The following ANO2 variants were observed in gnomAD, a reference collection of about 807,000 sequenced individuals.
The protein encoded by ANO2 is anoctamin-2.
In ANO2, 101 loss-of-function variants were observed where a neutral mutation model predicts 124.2. That is an observed-to-expected ratio of 0.81 (90% CI 0.69 to 0.96). The LOEUF is 0.96. Ranked by LOEUF, ANO2 falls within the 40% of genes least tolerant of loss-of-function variation. The pLI, the probability that ANO2 is intolerant of heterozygous loss-of-function variation, is 0.00. For synonymous variants in ANO2, 486 were observed against 482.5 expected, an observed-to-expected ratio of 1.01 and a Z score of -0.09; for missense variants, 1,293 against 1,274.5, an observed-to-expected ratio of 1.01 and a Z score of -0.22.
intron 23 of ANO2, among the ~76,000 whole-genome samples, chr12:5,569,149 G>A (rs908447616): frequency 2.6e-5 from 4 of 152,198 alleles, no homozygotes; most frequent in African/African-American, 9.7e-5. Context: ...TCAGCCAAGG[G>A]CACAGCCATA....
intron 10 of ANO2, among the ~76,000 whole-genome samples, chr12:5,795,795 C>T (rs1025991585): frequency 6.6e-6 from 1 of 152,082 alleles, no homozygotes; most frequent in Admixed American, 6.5e-5. Flanking sequence ...TGGGTCAGAC[C>T]TGTACAAATC....
At chr12:5,694,163 T>C (rs1860951) in intron 14 of ANO2, among the ~76,000 whole-genome samples, 56,506 of 150,846 alleles carry the variant, frequency 0.37, 12,314 homozygotes, top group East Asian at 0.59. Context: ...CTCTCCACTA[T>C]AAAAAAATGT....
rs1388492901 is a variant in ANO2 at position 5,943,954 on chromosome 12, G to A, written c.22+1242C>T. ...ACCTGGAAACTGGACTAGAACTTGA[G>A]GTGTGTGTTTGGATCCCACCCTTAC... On this transcript the variant is annotated intron_variant, in intron 1 of 24. Transcript: ENST00000682330. Among the ~76,000 whole-genome samples the A allele has an allele frequency of 4.6e-5, 7 of 152,286 alleles. No individual in the cohort carries two copies. In the South Asian group the frequency reaches 1.2e-3, roughly 27 times the overall value.
intron 7 of ANO2, among the ~76,000 whole-genome samples, chr12:5,812,313 AAGGAAGGG>A (rs140813379): frequency 0.047 from 5,606 of 120,556 alleles, 219 homozygotes; most frequent in East Asian, 0.19. Flanking sequence ...AAGAGGAAGG[AAGGAAGGG>A]AGGGAGGGAG....
intron 16 of ANO2, among the ~76,000 whole-genome samples, chr12:5,633,537 C>A (rs1199305974): frequency 6.6e-6 from 1 of 151,998 alleles, no homozygotes; most frequent in African/African-American, 2.4e-5. Context: ...TGAAAAAAAT[C>A]GGAGTCCTCA....
intron 10 of ANO2, among the ~76,000 whole-genome samples, chr12:5,783,842 A>C (rs1323350895): frequency 1.3e-5 from 2 of 152,180 alleles, no homozygotes; most frequent in Middle Eastern, 3.2e-3. Context: ...CTAGGGCTCC[A>C]GCCTGTGCCC....
intron 15 of ANO2, among the ~76,000 whole-genome samples, chr12:5,640,396 T>A (rs1336219571): frequency 6.6e-6 from 1 of 152,148 alleles, no homozygotes; most frequent in African/African-American, 2.4e-5. Context: ...TGTTCTAGGG[T>A]AATGCTAAGT....
chr12:5,945,202 G>A lies in ANO2; in HGVS notation c.16C>T (p.Pro6Ser), dbSNP rs949520711. 4 of 1,288,530 alleles carry A rather than the reference G, an allele frequency of 3.1e-6. No homozygotes were observed. Among genetic ancestry groups the A allele is most frequent in the Non-Finnish European group, 3.0e-6 (3 of 988,198 alleles). The allele number at this position is 1,288,530 out of a possible 1,614,324, so 79.8% of individuals were successfully genotyped here. The stretch of plus-strand genomic sequence containing the variant: ...GTCCAGCCGGAAAACTCACCGCGCG[G>A]CCCGGGAGTCGCCATGATGTGGACG... MATPGPRDIPLLPGSP... is the reference protein window; with the variant it reads MATPGSRDIPLLPGSP... Residue 6 changes from proline (P) to serine (S), a missense_variant, in exon 1 of 25, where the codon CCG (proline) becomes TCG (serine). Transcript: ENST00000682330.
intron 14 of ANO2, among the ~76,000 whole-genome samples, chr12:5,659,807 A>C (rs954602418): frequency 2.6e-5 from 4 of 150,984 alleles, no homozygotes; most frequent in Admixed American, 1.3e-4. Context: ...TACTGGGCTG[A>C]GCTTCTCTGT....
chr12:5,902,347 G>A lies in ANO2; in HGVS notation c.534+18693C>T, dbSNP rs993020241. On this transcript the variant is annotated intron_variant, in intron 3 of 24. Transcript: ENST00000682330. ...TGCCTTTAATCCCAGCACTTTGGGTGGCTGAGGCAGGAGGATGGCTTGGAG... is the reference window on the plus strand; with the variant it reads ...TGCCTTTAATCCCAGCACTTTGGGTAGCTGAGGCAGGAGGATGGCTTGGAG... Among the ~76,000 whole-genome samples the A allele has an allele frequency of 2.0e-5, 3 of 151,890 alleles. No individual in the cohort carries two copies. The East Asian group carries it at 5.9e-4, about 30-fold the overall frequency.
chr12:5,811,805 C>A (rs569029292), intron 7 of ANO2, among the ~76,000 whole-genome samples: 5 of 152,260 alleles, frequency 3.3e-5, no homozygotes, highest in African/African-American at 1.2e-4. Context: ...CAATGCAGTA[C>A]CCAAACTCAC....
At chr12:5,852,757 G>A (rs1166478346) in intron 4 of ANO2, among the ~76,000 whole-genome samples, 1 of 152,036 alleles carries the variant, frequency 6.6e-6, no homozygotes, top group Non-Finnish European at 1.5e-5. Flanking sequence ...TGTTCACAGT[G>A]GGCAGCATGA....
In ANO2 at chr12:5,769,092, CA is replaced by C. The variant is rs1951991494; in HGVS notation, c.1056-18123del. ...TGGGATGAGAACTGCTCAAAAATTC[CA>C]GAAAGGCAGAGGAAGAAAACACACC... is the stretch of plus-strand genomic sequence containing the variant. On this transcript the variant is annotated intron_variant, in intron 10 of 24. Coordinates refer to ENST00000682330, the MANE Select transcript of ANO2 (RefSeq NM_001364791.2). The surrounding 1 kb of genome is among the most constrained non-coding windows in gnomAD (Gnocchi z 4.0). Among the ~76,000 whole-genome samples, 1 of 152,094 alleles carries C rather than the reference CA, an allele frequency of 6.6e-6. No homozygotes were observed. The highest frequency in any genetic ancestry group is 2.1e-4 in the South Asian group (1 of 4,822).
chr12:5,843,338 TCAGGAGTTTGAGAC>T (rs1167399499), intron 4 of ANO2, among the ~76,000 whole-genome samples: 2 of 152,064 alleles, frequency 1.3e-5, no homozygotes, highest in Non-Finnish European at 1.5e-5. Flanking sequence ...TCACTTGCGG[TCAGGAGTTTGAGAC>T]CAGCCTGGCC....
intron 14 of ANO2, among the ~76,000 whole-genome samples, chr12:5,724,863 T>A (rs765686631): frequency 6.6e-6 from 1 of 151,426 alleles, no homozygotes; most frequent in Non-Finnish European, 1.5e-5. Flanking sequence ...CCATGAAGAA[T>A]CTCCCAGGAC....
chr12:5,918,534 G>C (rs770290890), intron 3 of ANO2, among the ~76,000 whole-genome samples: 14 of 151,834 alleles, frequency 9.2e-5, no homozygotes, highest in Non-Finnish European at 2.1e-4. Context: ...CCACCTCCCG[G>C]GTTCAAGCGA....
intron 14 of ANO2, among the ~76,000 whole-genome samples, chr12:5,656,925 T>C (rs1947188119): frequency 6.6e-6 from 1 of 152,176 alleles, no homozygotes; most frequent in Admixed American, 6.5e-5. Context: ...TCTGCCTTGA[T>C]TTCCCAGGAC....
At chr12:5,902,218 C>CT (rs950885524) in intron 3 of ANO2, among the ~76,000 whole-genome samples, 9 of 152,112 alleles carry the variant, frequency 5.9e-5, no homozygotes, top group African/African-American at 2.2e-4. Flanking sequence ...TGCTTATTCA[C>CT]TTTTTTAAAA....
chr12:5,860,527 C>A lies in ANO2; in HGVS notation c.535-6386G>T, dbSNP rs56787784. Among the ~76,000 whole-genome samples, 1,120 of 152,304 alleles carry A rather than the reference C, an allele frequency of 7.4e-3. 15 individuals are homozygous for A. The highest frequency in any genetic ancestry group is 0.023 in the African/African-American group (945 of 41,558). On this transcript the variant is annotated intron_variant, in intron 3 of 24. Coordinates refer to ENST00000682330, the MANE Select transcript of ANO2 (RefSeq NM_001364791.2). ...TATTCCTAGTGGATTCCATTTGGAT[C>A]CTGTGACCAATCTCTAAAAATTAGC...
Sources: allele counts gnomAD v4.1 joint callset (sites outside exome capture counted in the v4.1 genomes callset), GRCh38; gene constraint gnomAD v4.1.1; non-coding constraint Gnocchi (gnomAD v3.1); transcripts MANE v1.5; gene names NCBI Gene and HGNC (gene_info 2026-07-23, HGNC 2026-07-21).